The following CUL1 variants were observed in gnomAD, a reference collection of about 807,000 sequenced individuals.
CUL1 encodes the protein cullin 1.
In CUL1, 24 loss-of-function variants were observed where a neutral mutation model predicts 118.0. That is an observed-to-expected ratio of 0.20 (90% confidence interval 0.15 to 0.29). CUL1 has a LOEUF of 0.29. CUL1 is among the 10% of genes least tolerant of loss of function. The probability of loss-of-function intolerance (pLI) is 1.00; values close to 1 mark genes in which losing one functional copy is unlikely to be tolerated. For missense variants in CUL1, 361 were observed against 933.8 expected (o/e 0.39, Z 7.99); for synonymous variants, 332 against 340.4 (o/e 0.98, Z 0.27).
chr7:148,798,445 C>G, intron 19 of CUL1, 127 bp from the exon 20 acceptor site: 1 of 673,228 alleles, frequency 1.5e-6, no homozygotes, highest in Non-Finnish European at 2.6e-6. Flanking sequence ...GGAGAGCTCA[C>G]AGAAATCAAC....
chr7:148,756,784 T>A (rs113581557), intron 3 of CUL1, among the ~76,000 whole-genome samples, 199 bp from the exon 4 acceptor site: 2,881 of 152,268 alleles, frequency 0.019, 90 homozygotes, highest in African/African-American at 0.066. Context: ...CCAGTTTAAT[T>A]TGAGATGAAA....
chr7:148,738,510 A>G (rs1271707466), intron 2 of CUL1, among the ~76,000 whole-genome samples: 2 of 152,086 alleles, frequency 1.3e-5, no homozygotes, highest in African/African-American at 4.8e-5. Context: ...ACCACCTTAC[A>G]CCATTTCCCC....
intron 2 of CUL1, among the ~76,000 whole-genome samples, chr7:148,735,283 C>T (rs577660397): frequency 7.2e-5 from 11 of 152,356 alleles, no homozygotes; most frequent in Admixed American, 1.3e-4. Flanking sequence ...TTGGAGCCTG[C>T]GGCTGTGCTT....
chr7:148,783,598 T>G (rs999220526), intron 9 of CUL1, 185 bp from the exon 10 acceptor site: 8 of 1,512,430 alleles, frequency 5.3e-6, no homozygotes, highest in Middle Eastern at 2.1e-4. Flanking sequence ...TTTATATATA[T>G]AAACAAAATG....
intron 1 of CUL1, among the ~76,000 whole-genome samples, chr7:148,725,803 G>C (rs1281632808): frequency 6.6e-6 from 1 of 152,176 alleles, no homozygotes; most frequent in Non-Finnish European, 1.5e-5. Flanking sequence ...TAAGTACATA[G>C]GTGAGGCTCT....
chr7:148,770,147 T>C (rs1366954916), intron 9 of CUL1, among the ~76,000 whole-genome samples: 2 of 152,224 alleles, frequency 1.3e-5, no homozygotes, highest in East Asian at 1.9e-4. Flanking sequence ...ATACCTTCTA[T>C]GTAAATCATT....
chr7:148,785,610 C>A (rs376666641), intron 11 of CUL1, among the ~76,000 whole-genome samples: 1 of 151,442 alleles, frequency 6.6e-6, no homozygotes, highest in Non-Finnish European at 1.5e-5. Flanking sequence ...GTGATCCACC[C>A]GCCTCAGCCT....
At chr7:148,772,481 A>C (rs528533554) in intron 9 of CUL1, among the ~76,000 whole-genome samples, 1 of 152,316 alleles carries the variant, frequency 6.6e-6, no homozygotes, top group African/African-American at 2.4e-5. Context: ...CATTATCCCA[A>C]ATTGAGGAGT....
intron 9 of CUL1, among the ~76,000 whole-genome samples, chr7:148,775,234 C>T (rs1057036981): frequency 8.5e-5 from 13 of 152,182 alleles, no homozygotes; most frequent in Admixed American, 7.9e-4. Context: ...AGTCTTGATG[C>T]AAACATTCTC....
At chr7:148,711,242 A>G (rs1440951242) in intron 1 of CUL1, among the ~76,000 whole-genome samples, 1 of 152,232 alleles carries the variant, frequency 6.6e-6, no homozygotes, top group Non-Finnish European at 1.5e-5. Flanking sequence ...AATACTAAAA[A>G]GTTCTTAGTA....
chr7:148,725,323 G>A (rs1422453056), intron 1 of CUL1, among the ~76,000 whole-genome samples: 1 of 152,006 alleles, frequency 6.6e-6, no homozygotes, highest in East Asian at 1.9e-4. Flanking sequence ...TAGATACACA[G>A]GTGACACACC....
chr7:148,741,201 G>T (rs1799128864), intron 2 of CUL1, among the ~76,000 whole-genome samples: 1 of 152,178 alleles, frequency 6.6e-6, no homozygotes, highest in African/African-American at 2.4e-5. Context: ...TACGAATAGT[G>T]CTGCTGTAAA....
intron 9 of CUL1, among the ~76,000 whole-genome samples, chr7:148,779,495 T>A (rs770930302): frequency 6.6e-6 from 1 of 152,098 alleles, no homozygotes; most frequent in Non-Finnish European, 1.5e-5. Flanking sequence ...CAAAGGGGGA[T>A]CCCAGACACA....
At chr7:148,793,751 A>G (rs1348992807) in intron 17 of CUL1, among the ~76,000 whole-genome samples, 1 of 152,050 alleles carries the variant, frequency 6.6e-6, no homozygotes, top group Non-Finnish European at 1.5e-5. Context: ...CATGTTTTCA[A>G]TTTTCCTGGG....
At chr7:148,715,397 A>G (rs1345370843) in intron 1 of CUL1, among the ~76,000 whole-genome samples, 1 of 152,088 alleles carries the variant, frequency 6.6e-6, no homozygotes, top group Non-Finnish European at 1.5e-5. Flanking sequence ...GGCTCCTGGC[A>G]CTTACCACAG....
chr7:148,713,007 C>CT (rs1445904097), intron 1 of CUL1, among the ~76,000 whole-genome samples: 8 of 152,096 alleles, frequency 5.3e-5, no homozygotes, highest in African/African-American at 1.7e-4. Flanking sequence ...TCTATGAGCT[C>CT]TTTTTCTTTA....
intron 1 of CUL1, among the ~76,000 whole-genome samples, chr7:148,711,625 G>T (rs1036638812): frequency 4.6e-5 from 7 of 152,110 alleles, no homozygotes; most frequent in African/African-American, 1.4e-4. Context: ...GCTCAGCTAG[G>T]GAAAATTACT....
chr7:148,766,503 A>G, intron 7 of CUL1, 58 bp from the exon 8 acceptor site: 1 of 1,400,538 alleles, frequency 7.1e-7, no homozygotes, highest in Admixed American at 2.4e-5. Context: ...ATATTAAAGA[A>G]TTGTAACAGT....
chr7:148,735,284 G>A (rs546413025), intron 2 of CUL1, among the ~76,000 whole-genome samples: 2 of 152,338 alleles, frequency 1.3e-5, no homozygotes, highest in East Asian at 1.9e-4. Flanking sequence ...TGGAGCCTGC[G>A]GCTGTGCTTT....
Sources: allele counts gnomAD v4.1 joint callset (sites outside exome capture counted in the v4.1 genomes callset), GRCh38; gene constraint gnomAD v4.1.1; transcripts MANE v1.5; gene names NCBI Gene and HGNC (gene_info 2026-07-23, HGNC 2026-07-21).